Variants in XIRP2 observed in about 807,000 individuals in gnomAD.
The protein encoded by XIRP2 is xin actin binding repeat containing 2, also known as xin actin-binding repeat-containing protein 2.
A neutral mutation model predicts 277.0 loss-of-function variants in XIRP2; 236 were observed. The ratio of observed to expected loss-of-function variants is 0.85; its 90% CI spans 0.77 to 0.95. The LOEUF (loss-of-function observed/expected upper bound fraction) is 0.95, where lower values mean the gene tolerates loss of function less well. XIRP2 is among the 40% of genes least tolerant of loss of function. XIRP2 has a pLI of 0.00. For synonymous variants in XIRP2, 1,490 were observed against 1,416.5 expected (o/e 1.05, Z -1.17); for missense variants, 4,640 against 4,157.5 (o/e 1.12, Z -3.19).
rs141987625 is a variant in XIRP2, at chr2:166,950,349, G to T, written c.408+46459G>T. 4.6e-5 allele frequency among the ~76,000 whole-genome samples: 7 copies of T among 152,032 alleles called. No homozygotes were observed. In the East Asian group the frequency reaches 1.4e-3, roughly 30 times the overall value. On this transcript the variant is annotated intron_variant, in intron 2 of 10. Coordinates refer to ENST00000409195, the MANE Select transcript of XIRP2 (RefSeq NM_152381.6). ...TAATTTGCTTCCCATTATTATATCT[G>T]CCTTTCCGTTCGTGTATTTAATTGT...
At position 167,038,046 on chromosome 2, in the gene XIRP2, CTG is replaced by C. The variant is rs1464530192; in HGVS notation, c.409-97861_409-97860del. Among the ~76,000 whole-genome samples, 5 of 151,986 alleles carry C rather than the reference CTG, an allele frequency of 3.3e-5. No homozygotes were observed. The East Asian group carries it at 9.6e-4, about 29-fold the overall frequency. ...CATTAGGAAAAAACAATTTGCTAAA[CTG>C]TTTCAATTTTCGTATAGAAGTATTT... On this transcript the variant is annotated intron_variant, in intron 2 of 10. Coordinates refer to ENST00000409195, the MANE Select transcript of XIRP2 (RefSeq NM_152381.6).
chr2:167,211,042 A>AG, intron 4 of XIRP2, 147 bp downstream of exon 4: 10 of 977,474 alleles, frequency 1.0e-5, no homozygotes, highest in Non-Finnish European at 1.3e-5. Flanking sequence ...AATCCAGACT[A>AG]TCTGAATTTA....
chr2:167,011,036 C>T (rs985227775), intron 2 of XIRP2, among the ~76,000 whole-genome samples: 14 of 152,014 alleles, frequency 9.2e-5, no homozygotes, highest in Non-Finnish European at 1.9e-4. Context: ...ATATGACTTC[C>T]TCTTTTCCTA....
intron 2 of XIRP2, among the ~76,000 whole-genome samples, chr2:167,107,598 C>A (rs1026089851): frequency 3.3e-5 from 5 of 151,180 alleles, no homozygotes; most frequent in African/African-American, 1.2e-4. Flanking sequence ...AATTATATTT[C>A]TTTATATATT....
At chr2:167,173,747 T>A (rs1227068577) in intron 3 of XIRP2, among the ~76,000 whole-genome samples, 1 of 152,168 alleles carries the variant, frequency 6.6e-6, no homozygotes, top group African/African-American at 2.4e-5. Context: ...CATATTTACT[T>A]ACAGTGTACT....
intron 5 of XIRP2, among the ~76,000 whole-genome samples, chr2:167,236,418 A>G (rs542651223): frequency 6.6e-6 from 1 of 152,202 alleles, no homozygotes; most frequent in South Asian, 2.1e-4. Flanking sequence ...GAAGATGTGC[A>G]TATCAACAAT....
At chr2:167,218,355 T>G in intron 5 of XIRP2, 55 bp downstream of exon 5, 1 of 1,338,794 alleles carries the variant, frequency 7.5e-7, no homozygotes. Context: ...GCTCTCATTT[T>G]GGTGCCAATG....
intron 2 of XIRP2, among the ~76,000 whole-genome samples, chr2:167,013,993 T>C (rs575430869): frequency 9.4e-5 from 14 of 148,702 alleles, no homozygotes; most frequent in Admixed American, 8.2e-4. Flanking sequence ...TGCAAATTGT[T>C]CTGGATATTT....
chr2:166,982,338 C>A (rs1454663626), intron 2 of XIRP2, among the ~76,000 whole-genome samples: 4 of 137,692 alleles, frequency 2.9e-5, no homozygotes, highest in South Asian at 4.8e-4. Flanking sequence ...AAAAAAAAAA[C>A]AGTCTGGGTT....
intron 2 of XIRP2, among the ~76,000 whole-genome samples, chr2:167,054,448 C>T (rs1688993704): frequency 6.6e-6 from 1 of 152,156 alleles, no homozygotes. Context: ...CTTTGGGAGA[C>T]CAAGGCCAGT....
chr2:167,084,632 C>G (rs1377295014), intron 2 of XIRP2, among the ~76,000 whole-genome samples: 1 of 151,856 alleles, frequency 6.6e-6, no homozygotes, highest in Non-Finnish European at 1.5e-5. Flanking sequence ...TGTTATTGGT[C>G]TATTCAGAGA....
Position 167,136,073 on chromosome 2 carries a change from C to T in XIRP2, c.562+11C>T, listed in dbSNP as rs1167956486. ...GCCGCATCTTTGAAGGTTAGCATAACATTTTGATATGCTTTCTTGACATCA... is the reference window on the plus strand; with the variant it reads ...GCCGCATCTTTGAAGGTTAGCATAATATTTTGATATGCTTTCTTGACATCA... On this transcript the variant is annotated intron_variant, in intron 3 of 10. Transcript: ENST00000409195. 3.2e-6 allele frequency: 5 copies of T among 1,585,110 alleles called. No individual in the cohort carries two copies. The South Asian group carries it at 4.6e-5, about 15-fold the overall frequency.
At chr2:166,922,264 C>G (rs1467866496) in intron 2 of XIRP2, among the ~76,000 whole-genome samples, 3 of 152,132 alleles carry the variant, frequency 2.0e-5, no homozygotes, top group Non-Finnish European at 4.4e-5. Flanking sequence ...TACACTCAGG[C>G]CACAGGCCAC....
intron 2 of XIRP2, among the ~76,000 whole-genome samples, chr2:167,075,646 T>C (rs1268759318): frequency 6.6e-6 from 1 of 152,160 alleles, no homozygotes; most frequent in Non-Finnish European, 1.5e-5. Flanking sequence ...TTGTCTCTTT[T>C]AGTAATACTT....
At chr2:166,998,641 A>C (rs975277520) in intron 2 of XIRP2, among the ~76,000 whole-genome samples, 9 of 152,296 alleles carry the variant, frequency 5.9e-5, no homozygotes, top group African/African-American at 1.7e-4. Context: ...CATCTCAAAA[A>C]AACAAAACAA....
intron 2 of XIRP2, among the ~76,000 whole-genome samples, chr2:166,932,078 A>G (rs542342967): frequency 1.3e-5 from 2 of 152,172 alleles, no homozygotes; most frequent in Admixed American, 6.6e-5. Context: ...CACTTGTTCA[A>G]ATCTTTTGTC....
chr2:167,190,647 A>C (rs1042937405), intron 3 of XIRP2, among the ~76,000 whole-genome samples: 2 of 152,220 alleles, frequency 1.3e-5, no homozygotes, highest in African/African-American at 2.4e-5. Context: ...CCATTTGTAT[A>C]ATATAATCAG....
Position 167,103,849 on chromosome 2 carries a change from G to A in XIRP2, c.409-32060G>A, listed in dbSNP as rs147761391. 2.9e-3 allele frequency among the ~76,000 whole-genome samples: 442 copies of A among 150,960 alleles called. 1 individual carries two copies. The highest frequency in any genetic ancestry group is 0.01 in the African/African-American group (421 of 41,338). ...AGTAAAATATCAAGGTGAAACTGCA[G>A]CCAATTTTAAATGTAGCTACCCTTA... On this transcript the variant is annotated intron_variant, in intron 2 of 10. Transcript: ENST00000409195.
rs370851004 is a variant in XIRP2, at chr2:167,245,393, T to C, written c.4001T>C (p.Val1334Ala). ...IQDREGSYHE[V>A]TTVKKEEVIH... ...GACCGAGAAGGGTCCTATCATGAAG[T>C]GACCACAGTTAAAAAAGAAGAGGTA... Residue 1334 changes from valine (V) to alanine (A), a missense_variant, in exon 9 of 11, where the codon GTG (valine) becomes GCG (alanine). Val to Ala is a moderately conservative substitution (Grantham distance 64). Transcript: ENST00000409195. 3 of 1,613,596 alleles carry C rather than the reference T, an allele frequency of 1.9e-6. No individual in the cohort carries two copies. The highest frequency in any genetic ancestry group is 1.3e-5 in the African/African-American group (1 of 74,880).
Sources: allele counts gnomAD v4.1 joint callset (sites outside exome capture counted in the v4.1 genomes callset), GRCh38; gene constraint gnomAD v4.1.1; transcripts MANE v1.5; gene names NCBI Gene and HGNC (gene_info 2026-07-23, HGNC 2026-07-21).